LRMDA: variants seen among roughly 807,000 people sequenced by gnomAD.
LRMDA encodes the protein leucine-rich melanocyte differentiation-associated protein.
LRMDA carries 18 observed loss-of-function variants against 29.8 expected under a neutral mutation model. That is an observed-to-expected ratio of 0.60 (90% CI 0.42 to 0.90). LRMDA has a LOEUF of 0.90. Ranked by LOEUF, LRMDA falls within the 40% of genes least tolerant of loss-of-function variation. The probability of loss-of-function intolerance (pLI) is 0.00; values close to 1 mark genes in which losing one functional copy is unlikely to be tolerated. For synonymous variants in LRMDA, 125 were observed against 109.4 expected, an observed-to-expected ratio of 1.14 and a Z score of -0.89; for missense variants, 273 against 273.9, an observed-to-expected ratio of 1.00 and a Z score of 0.02.
chr10:76,329,032 A>G (rs535916470), intron 6 of LRMDA, among the ~76,000 whole-genome samples: 5 of 152,254 alleles, frequency 3.3e-5, no homozygotes, highest in African/African-American at 1.2e-4. Flanking sequence ...GACTTTCTCT[A>G]TCTGAAGCAC....
At chr10:75,743,254 C>T (rs1376667504) in intron 2 of LRMDA, among the ~76,000 whole-genome samples, 1 of 152,110 alleles carries the variant, frequency 6.6e-6, no homozygotes, top group Non-Finnish European at 1.5e-5. Flanking sequence ...TGACCTTCCC[C>T]TCAGTTAATC....
intron 5 of LRMDA, among the ~76,000 whole-genome samples, chr10:76,147,162 C>A (rs1411669647): frequency 6.6e-6 from 1 of 152,138 alleles, no homozygotes; most frequent in Non-Finnish European, 1.5e-5. Flanking sequence ...AATTATGTGT[C>A]TTGGAGTTGC....
chr10:75,435,786 C>A (rs1438310023), intron 1 of LRMDA, among the ~76,000 whole-genome samples: 2 of 152,144 alleles, frequency 1.3e-5, no homozygotes, highest in African/African-American at 2.4e-5. Flanking sequence ...GCAAATATCC[C>A]TCTCTTTTCC....
intron 2 of LRMDA, among the ~76,000 whole-genome samples, chr10:75,583,105 C>T (rs1840614639): frequency 6.6e-6 from 1 of 152,206 alleles, no homozygotes; most frequent in Admixed American, 6.5e-5. Context: ...TCCAAATTTT[C>T]TCTTATCTTT....
intron 2 of LRMDA, among the ~76,000 whole-genome samples, chr10:75,930,822 T>TCC (rs1259064554): frequency 3.3e-5 from 5 of 152,166 alleles, no homozygotes; most frequent in African/African-American, 1.2e-4. Flanking sequence ...AAACATAGAA[T>TCC]CCCCAAGTTG....
chr10:76,423,055 T>A (rs923635251), intron 6 of LRMDA, among the ~76,000 whole-genome samples: 3 of 152,238 alleles, frequency 2.0e-5, no homozygotes, highest in Non-Finnish European at 4.4e-5. Context: ...GAATGTCCTC[T>A]TTTATAGCAA....
At chr10:75,657,676 A>G (rs1841695773) in intron 2 of LRMDA, among the ~76,000 whole-genome samples, 1 of 152,170 alleles carries the variant, frequency 6.6e-6, no homozygotes, top group African/African-American at 2.4e-5. Context: ...GAGGAGGCAT[A>G]TAGTAGTGGA....
At chr10:75,949,695 A>T (rs753201454) in intron 2 of LRMDA, among the ~76,000 whole-genome samples, 1 of 152,144 alleles carries the variant, frequency 6.6e-6, no homozygotes, top group Non-Finnish European at 1.5e-5. Flanking sequence ...GGAGCTTGTG[A>T]TGATCTACCT....
At chr10:75,661,553 C>T (rs192467923) in intron 2 of LRMDA, among the ~76,000 whole-genome samples, 343 of 152,282 alleles carry the variant, frequency 2.3e-3, no homozygotes, top group Middle Eastern at 6.8e-3. Context: ...CCAAGGTCCT[C>T]CCTCCAAGCC....
chr10:76,147,150 A>T lies in LRMDA; in HGVS notation c.516+88367A>T, dbSNP rs572579740. ...CTTCATTTCAACTTTGGTGAATCTG[A>T]CAATTATGTGTCTTGGAGTTGCTCC... On this transcript the variant is annotated intron_variant, in intron 5 of 6. Transcript: ENST00000611255. Among the ~76,000 whole-genome samples, 4 of 152,158 alleles carry T rather than the reference A, an allele frequency of 2.6e-5. No individual in the cohort carries two copies. The South Asian group carries it at 8.3e-4, about 32-fold the overall frequency.
intron 2 of LRMDA, among the ~76,000 whole-genome samples, chr10:75,871,868 C>A (rs1010912491): frequency 7.2e-5 from 11 of 152,200 alleles, no homozygotes; most frequent in Non-Finnish European, 1.2e-4. Flanking sequence ...GAGATTGTGT[C>A]TTATTCATCT....
At chr10:76,310,572 T>G (rs934276059) in intron 5 of LRMDA, among the ~76,000 whole-genome samples, 2 of 152,200 alleles carry the variant, frequency 1.3e-5, no homozygotes, top group Admixed American at 6.5e-5. Context: ...TAGGTCTGAG[T>G]TTTGTTTCTA....
chr10:76,075,830 C>T (rs915423485), intron 5 of LRMDA, among the ~76,000 whole-genome samples: 3 of 152,162 alleles, frequency 2.0e-5, no homozygotes, highest in African/African-American at 4.8e-5. Flanking sequence ...TGTGGTGGTA[C>T]ACTGAAGGAC....
At chr10:76,243,717 G>A (rs1852321793) in intron 5 of LRMDA, among the ~76,000 whole-genome samples, 1 of 152,174 alleles carries the variant, frequency 6.6e-6, no homozygotes, top group Non-Finnish European at 1.5e-5. Context: ...ATAAAGGAAA[G>A]GGCAGGAAAT....
intron 2 of LRMDA, among the ~76,000 whole-genome samples, chr10:75,515,781 C>G (rs1845281904): frequency 6.6e-6 from 1 of 151,860 alleles, no homozygotes; most frequent in East Asian, 1.9e-4. Context: ...TATACTTGTA[C>G]CATGTTGGTT....
intron 6 of LRMDA, among the ~76,000 whole-genome samples, chr10:76,436,619 G>T (rs756711902): frequency 6.6e-6 from 1 of 152,172 alleles, no homozygotes; most frequent in Non-Finnish European, 1.5e-5. Flanking sequence ...TATGCGGAGA[G>T]CATCGGTGCT....
chr10:76,443,580 A>G (rs1487118132), intron 6 of LRMDA, among the ~76,000 whole-genome samples: 1 of 152,210 alleles, frequency 6.6e-6, no homozygotes, highest in East Asian at 1.9e-4. Flanking sequence ...ACCATCTTTA[A>G]TATCACTTTG....
intron 2 of LRMDA, chr10:75,643,132 A>G (rs899648989): frequency 1.3e-5 from 2 of 151,960 alleles, no homozygotes; most frequent in African/African-American, 4.8e-5. Context: ...TTCTCTTAAC[A>G]CTTTTTTTTA....
At chr10:76,551,216 A>G (rs1312496899) in intron 6 of LRMDA, among the ~76,000 whole-genome samples, 6 of 152,170 alleles carry the variant, frequency 3.9e-5, no homozygotes, top group African/African-American at 1.4e-4. Context: ...TGTTTGGGGT[A>G]AAAACACCAC....
Sources: allele counts gnomAD v4.1 joint callset (sites outside exome capture counted in the v4.1 genomes callset), GRCh38; gene constraint gnomAD v4.1.1; transcripts MANE v1.5; gene names NCBI Gene and HGNC (gene_info 2026-07-23, HGNC 2026-07-21).